Variants in CASK observed in about 807,000 individuals in gnomAD.
CASK encodes peripheral plasma membrane protein CASK.
CASK carries 4 observed loss-of-function variants against 82.9 expected under a neutral mutation model. The ratio of observed to expected loss-of-function variants is 0.05; its 90% CI spans 0.02 to 0.11. The LOEUF is 0.11. Among genes scored for constraint, CASK ranks in the 10% least tolerant of loss-of-function variants. The pLI, the probability that CASK is intolerant of heterozygous loss-of-function variation, is 1.00. For missense variants in CASK, 358 were observed against 720.9 expected (o/e 0.50, Z 5.76); for synonymous variants, 259 against 253.5 (o/e 1.02, Z -0.20).
chrX:41,792,486 C>T (rs1350359323), intron 2 of CASK, among the ~76,000 whole-genome samples: 7 of 109,697 alleles, frequency 6.4e-5, no homozygotes, highest in South Asian at 4.0e-4. Context: ...GACAGAGTCT[C>T]GCTATGTTGC....
Position 41,516,621 on chromosome X carries a change from A to T in CASK, c.*3799T>A, listed in dbSNP as rs774028356. The T allele has an allele frequency of 9.0e-6, 1 of 111,584 alleles. No individual in the cohort carries two copies. The highest frequency in any genetic ancestry group is 2.8e-4 in the East Asian group (1 of 3,559). The allele number at this position is 111,584 out of a possible 1,213,427, so 9.2% of individuals were successfully genotyped here. A position where few individuals can be genotyped will look rare whatever the true frequency, so the allele number is the denominator to read the frequency against. On this transcript the variant is annotated 3_prime_UTR_variant, in exon 27 of 27. Transcript: ENST00000378163. ...CCCTAGTCAAGAGGATGGAATTAGGAGGCTGTGTTCAGTTCTGAGAAAACA... is the reference window on the plus strand; with the variant it reads ...CCCTAGTCAAGAGGATGGAATTAGGTGGCTGTGTTCAGTTCTGAGAAAACA...
intron 5 of CASK, among the ~76,000 whole-genome samples, chrX:41,672,437 T>C (rs758884952): frequency 9.0e-6 from 1 of 111,456 alleles, no homozygotes; most frequent in African/African-American, 3.3e-5. Flanking sequence ...AAACTACATC[T>C]GACCGGCTCT....
chrX:41,832,618 G>A (rs961630071), intron 2 of CASK, among the ~76,000 whole-genome samples: 1 of 112,360 alleles, frequency 8.9e-6, no homozygotes, highest in Non-Finnish European at 1.9e-5. Context: ...AACACTGACT[G>A]AGGAAACACA....
At chrX:41,644,266 C>G (rs1465996663) in intron 8 of CASK, among the ~76,000 whole-genome samples, 1 of 112,062 alleles carries the variant, frequency 8.9e-6, no homozygotes, top group Non-Finnish European at 1.9e-5. Flanking sequence ...CTGGCTGAAA[C>G]TATGGCAGAA....
chrX:41,680,915 CA>C (rs1197819725), intron 5 of CASK, among the ~76,000 whole-genome samples: 42 of 101,914 alleles, frequency 4.1e-4, no homozygotes, highest in South Asian at 8.5e-4. Flanking sequence ...AACTCGGTCT[CA>C]AAAAAAAAAA....
chrX:41,646,783 C>T (rs944811135), intron 8 of CASK, among the ~76,000 whole-genome samples: 10 of 110,966 alleles, frequency 9.0e-5, no homozygotes, highest in Admixed American at 3.9e-4. Context: ...TCAAACCGTC[C>T]GATGCATCAA....
In CASK at chrX:41,923,295, G is replaced by A. The variant is rs1001006325; in HGVS notation, c.-307C>T. The A allele has an allele frequency of 9.3e-6, 1 of 107,640 alleles. No individual in the cohort carries two copies. 8.9% of individuals were successfully genotyped at this position (107,640 alleles called of 1,213,427 possible). ...GCTGCCCGGCGTGCGGATCCTCGGGGACCGCGCGGCGTCGCGCTCTCCGCT... is the reference window on the plus strand; with the variant it reads ...GCTGCCCGGCGTGCGGATCCTCGGGAACCGCGCGGCGTCGCGCTCTCCGCT... On this transcript the variant is annotated 5_prime_UTR_variant, in exon 1 of 27. Coordinates refer to ENST00000378163, the MANE Select transcript of CASK (RefSeq NM_001367721.1).
chrX:41,896,491 T>C (rs1428537709), intron 1 of CASK, among the ~76,000 whole-genome samples: 2 of 111,883 alleles, frequency 1.8e-5, no homozygotes, highest in Non-Finnish European at 3.8e-5. Context: ...TTGGAGGACA[T>C]TAGACATAGC....
intron 16 of CASK, among the ~76,000 whole-genome samples, chrX:41,568,064 G>A (rs2065347703): frequency 1.7e-5 from 1 of 58,725 alleles, no homozygotes; most frequent in Non-Finnish European, 2.9e-5. Flanking sequence ...ACAGGGCGGG[G>A]AACATCACAC....
At chrX:41,644,280 C>T (rs1203156241) in intron 8 of CASK, among the ~76,000 whole-genome samples, 2 of 111,894 alleles carry the variant, frequency 1.8e-5, no homozygotes, top group East Asian at 2.8e-4. Context: ...GGCAGAAGAA[C>T]GTGGATTATG....
chrX:41,560,863 C>T (rs1468392475), intron 17 of CASK, among the ~76,000 whole-genome samples: 2 of 108,802 alleles, frequency 1.8e-5, no homozygotes, highest in African/African-American at 6.7e-5. Flanking sequence ...TGCACTCCAG[C>T]CTGGGCAACA....
At chrX:41,821,060 T>C (rs1033219732) in intron 2 of CASK, among the ~76,000 whole-genome samples, 4 of 111,067 alleles carry the variant, frequency 3.6e-5, no homozygotes, top group Non-Finnish European at 7.6e-5. Flanking sequence ...TCAGGAACCA[T>C]GAAGGAAAAA....
chrX:41,870,281 T>C (rs1212522819), intron 1 of CASK, among the ~76,000 whole-genome samples: 1 of 111,845 alleles, frequency 8.9e-6, no homozygotes, highest in African/African-American at 3.3e-5. Flanking sequence ...AGTGACAGTT[T>C]GACAGTGGAC....
chrX:41,608,046 C>T (rs776766155), intron 12 of CASK, among the ~76,000 whole-genome samples: 4 of 112,121 alleles, frequency 3.6e-5, no homozygotes, highest in South Asian at 7.5e-4. Context: ...TTTGAACTGA[C>T]CACATTTGGG....
Position 41,696,701 on chromosome X carries a change from T to C in CASK, c.430-25171A>G, listed in dbSNP as rs146248981. 5.8e-6 allele frequency: 7 copies of C among 1,207,280 alleles called. No homozygotes were observed. The South Asian group carries it at 7.1e-5, about 12-fold the overall frequency. The stretch of plus-strand genomic sequence containing the variant: ...GTGAACCAAGTAGGAGTGAAAGCAC[T>C]TCAGAATTTAAACCAGGATACTCCC... On this transcript the variant is annotated intron_variant, in intron 5 of 26. Coordinates refer to ENST00000378163, the MANE Select transcript of CASK (RefSeq NM_001367721.1).
intron 1 of CASK, among the ~76,000 whole-genome samples, chrX:41,865,779 A>G (rs531103031): frequency 9.0e-6 from 1 of 111,352 alleles, no homozygotes; most frequent in East Asian, 2.9e-4. Flanking sequence ...AGCCCTCACA[A>G]TGCTATTTTG....
chrX:41,634,207 G>A (rs1484358187), intron 9 of CASK, among the ~76,000 whole-genome samples: 1 of 112,375 alleles, frequency 8.9e-6, no homozygotes, highest in African/African-American at 3.2e-5. Context: ...AAAATAAAGT[G>A]TGTGGTGGAC....
At chrX:41,910,924 G>A in intron 1 of CASK, among the ~76,000 whole-genome samples, 1 of 111,184 alleles carries the variant, frequency 9.0e-6, no homozygotes, top group Non-Finnish European at 1.9e-5. Flanking sequence ...GGTTGGTAAA[G>A]GTTTTTTCCA....
At chrX:41,752,405 G>A (rs770254565) in intron 3 of CASK, among the ~76,000 whole-genome samples, 3 of 109,441 alleles carry the variant, frequency 2.7e-5, no homozygotes, top group East Asian at 5.8e-4. Context: ...ATTCTTCTGC[G>A]TCAGCCTCCC....
Sources: allele counts gnomAD v4.1 joint callset (sites outside exome capture counted in the v4.1 genomes callset), GRCh38; gene constraint gnomAD v4.1.1; transcripts MANE v1.5; gene names NCBI Gene and HGNC (gene_info 2026-07-23, HGNC 2026-07-21).